C1QTNF2: variants seen among roughly 807,000 people sequenced by gnomAD.
C1QTNF2 encodes the protein complement C1q tumor necrosis factor-related protein 2.
A neutral mutation model predicts 17.4 loss-of-function variants in C1QTNF2; 15 were observed. The ratio of observed to expected loss-of-function variants is 0.86; its 90% CI spans 0.58 to 1.33. The LOEUF (loss-of-function observed/expected upper bound fraction) is 1.33, where lower values mean the gene tolerates loss of function less well. Ranked by LOEUF, C1QTNF2 falls within the 40% of genes most tolerant of loss-of-function variation. The pLI is 0.00. For synonymous variants in C1QTNF2, 154 were observed against 163.3 expected, an observed-to-expected ratio of 0.94 and a Z score of 0.44; for missense variants, 381 against 392.3, an observed-to-expected ratio of 0.97 and a Z score of 0.24.
At chr5:160,354,597 AG>A (rs1419687379) in intron 2 of C1QTNF2, among the ~76,000 whole-genome samples, 170 bp downstream of exon 2, 3,383 of 87,406 alleles carry the variant, frequency 0.039, 131 homozygotes, top group African/African-American at 0.077. Context: ...AAAAAAAAAA[AG>A]TATATATATA....
At chr5:160,355,045 C>A (rs769072072) in intron 1 of C1QTNF2, 25 bp from the exon 2 acceptor site, 9 of 1,510,250 alleles carry the variant, frequency 6.0e-6, no homozygotes, top group East Asian at 2.3e-5. Flanking sequence ...AGAGCTGTGA[C>A]AGGTGAGTGT....
chr5:160,369,446 G>A (rs1225094318), intron 1 of C1QTNF2, among the ~76,000 whole-genome samples: 9 of 152,182 alleles, frequency 5.9e-5, no homozygotes, highest in Non-Finnish European at 1.3e-4. Flanking sequence ...GCAGTTGAAA[G>A]CAGGAGTAAT....
rs1223972265 is a variant in C1QTNF2 at position 160,348,339 on chromosome 5, C to T, written c.*829G>A. 2.0e-5 allele frequency: 3 copies of T among 152,234 alleles called. No homozygotes were observed. The highest frequency in any genetic ancestry group is 4.4e-5 in the Non-Finnish European group (3 of 68,068). The allele number at this position is 152,234 out of a possible 1,614,324, so 9.4% of individuals were successfully genotyped here. A position where few individuals can be genotyped will look rare whatever the true frequency, so the allele number is the denominator to read the frequency against. ...CAGTGTCACTTTGTATTCTGATAAG[C>T]CTTCGTGAATGGAACGAGCTCTGCC... On this transcript the variant is annotated 3_prime_UTR_variant, in exon 3 of 3. Coordinates refer to ENST00000652664, the MANE Select transcript of C1QTNF2 (RefSeq NM_031908.6).
rs1210096049 is a variant in C1QTNF2, at chr5:160,357,693, G to A, written c.-9-2673C>T. On this transcript the variant is annotated intron_variant, in intron 1 of 2. Coordinates refer to ENST00000652664, the MANE Select transcript of C1QTNF2 (RefSeq NM_031908.6). ...TAGGGAGAGAAGGAGGGAGTAAGTG[G>A]AAGCGAGTCTTCGAGGCAGATGAGA... Among the ~76,000 whole-genome samples the A allele has an allele frequency of 2.0e-5, 3 of 152,210 alleles. No individual in the cohort carries two copies. In the East Asian group the frequency reaches 5.8e-4, roughly 29 times the overall value.
intron 1 of C1QTNF2, among the ~76,000 whole-genome samples, chr5:160,362,743 G>A (rs541985396): frequency 1.3e-5 from 2 of 152,248 alleles, no homozygotes; most frequent in African/African-American, 4.8e-5. Flanking sequence ...TGCAATGACT[G>A]GGCTTGGATT....
chr5:160,355,368 T>C (rs1340609415), intron 1 of C1QTNF2: 1 of 407,546 alleles, frequency 2.5e-6, no homozygotes, highest in Non-Finnish European at 3.3e-6. Flanking sequence ...AAATGATCCA[T>C]GGTTTCATCC....
intron 2 of C1QTNF2, among the ~76,000 whole-genome samples, chr5:160,352,404 G>T (rs1323689442): frequency 6.6e-6 from 1 of 152,168 alleles, no homozygotes; most frequent in African/African-American, 2.4e-5. Context: ...GTGGTTGGAT[G>T]TTATCCTGAA....
intron 1 of C1QTNF2, among the ~76,000 whole-genome samples, chr5:160,356,327 A>C (rs1268967470): frequency 6.6e-6 from 1 of 152,190 alleles, no homozygotes; most frequent in Non-Finnish European, 1.5e-5. Context: ...TCCTCACCTG[A>C]ACAACAGGGG....
chr5:160,351,228 A>G (rs1362358388), intron 2 of C1QTNF2, among the ~76,000 whole-genome samples: 3 of 152,164 alleles, frequency 2.0e-5, no homozygotes, highest in East Asian at 1.9e-4. Flanking sequence ...ATTTCTCTCA[A>G]TCCAACATTT....
At chr5:160,370,366 C>G in intron 1 of C1QTNF2, 146 bp downstream of exon 1, 1 of 1,011,820 alleles carries the variant, frequency 9.9e-7, no homozygotes, top group Non-Finnish European at 1.3e-6. Context: ...GGCAGGAATG[C>G]AGGAGCTGCC....
intron 2 of C1QTNF2, among the ~76,000 whole-genome samples, 171 bp downstream of exon 2, chr5:160,354,597 A>AAAAAAAAAAATATATATAT (rs769774870): frequency 1.1e-5 from 1 of 89,306 alleles, no homozygotes; most frequent in African/African-American, 4.8e-5. Context: ...AAAAAAAAAA[A>AAAAAAAAAAATATATATAT]GTATATATAT....
intron 1 of C1QTNF2, among the ~76,000 whole-genome samples, chr5:160,367,798 C>A (rs1354847866): frequency 2.0e-5 from 3 of 152,198 alleles, no homozygotes; most frequent in Non-Finnish European, 4.4e-5. Context: ...CATCCCATTC[C>A]TATATACATT....
intron 1 of C1QTNF2, 100 bp downstream of exon 1, chr5:160,370,412 C>G: frequency 7.4e-7 from 1 of 1,344,578 alleles, no homozygotes; most frequent in Non-Finnish European, 9.5e-7. Context: ...AGCTCTCCCA[C>G]CTTCCGCATC....
intron 2 of C1QTNF2, among the ~76,000 whole-genome samples, chr5:160,354,057 G>A (rs1406151787): frequency 2.0e-5 from 3 of 151,844 alleles, no homozygotes; most frequent in South Asian, 2.1e-4. Context: ...TGTCCACCTC[G>A]GCCTCCCAAG....
chr5:160,365,567 C>G (rs74527921), intron 1 of C1QTNF2, among the ~76,000 whole-genome samples: 2,082 of 152,130 alleles, frequency 0.014, 53 homozygotes, highest in African/African-American at 0.048. Flanking sequence ...GACCTCCCCC[C>G]ACCTCACCCC....
At position 160,349,492 on chromosome 5, in the gene C1QTNF2, G is replaced by C. The variant is rs1763869429; in HGVS notation, c.534C>G (p.Gly178=). 1.2e-6 allele frequency: 2 copies of C among 1,614,018 alleles called. No individual in the cohort carries two copies. The highest frequency in any genetic ancestry group is 1.7e-6 in the Non-Finnish European group (2 of 1,180,018). The change falls in exon 3 of 3, where the codon GGC becomes GGG. Residue 178 remains glycine (G), a synonymous_variant. Coordinates refer to ENST00000652664, the MANE Select transcript of C1QTNF2 (RefSeq NM_031908.6). This position sits in a 1 kb window ranked among gnomAD's most constrained non-coding sequence, Gnocchi z 4.3. ...ACTTGCCGCTGGAAGCATTGTAGTG[G>C]CCACCCTCGTTCATCAGAATCTTGT... The part of the protein sequence containing the change: ...KFDKILMNEG[G]HYNASSGKFV...
chr5:160,365,583 C>T (rs952974899), intron 1 of C1QTNF2, among the ~76,000 whole-genome samples: 12 of 152,036 alleles, frequency 7.9e-5, no homozygotes, highest in African/African-American at 1.2e-4. Context: ...ACCCCGCCAT[C>T]TCTACAAAGA....
chr5:160,349,238 G>A lies in C1QTNF2; in HGVS notation c.788C>T (p.Pro263Leu). The A allele has an allele frequency of 6.2e-7, 1 of 1,614,152 alleles. No homozygotes were observed. The highest frequency in any genetic ancestry group is 1.1e-5 in the South Asian group (1 of 91,080). Residue 263 changes from proline (P) to leucine (L), a missense_variant, in exon 3 of 3, where the codon CCT (proline) becomes CTT (leucine). Coordinates refer to ENST00000652664, the MANE Select transcript of C1QTNF2 (RefSeq NM_031908.6). The surrounding 1 kb of genome is among the most constrained non-coding windows in gnomAD (Gnocchi z 4.3). ...CGTAAAGAGGCTGTCTGTCCAGTAA[G>A]GGTCATAGAAGAGCCCGTTCTGCTC... ...YSEQNGLFYD[P>L]YWTDSLFTGF...
intron 1 of C1QTNF2, among the ~76,000 whole-genome samples, chr5:160,364,623 T>C (rs1488520681): frequency 6.6e-6 from 1 of 152,232 alleles, no homozygotes; most frequent in Admixed American, 6.5e-5. Context: ...GAGTCCTGCA[T>C]GCATTTCAGG....
Sources: gnomAD v4.1 joint callset for allele counts (sites outside exome capture counted in the v4.1 genomes callset) on GRCh38, gnomAD v4.1.1 for gene constraint, Gnocchi (gnomAD v3.1) non-coding constraint, MANE v1.5 for transcripts, NCBI Gene and HGNC (gene_info 2026-07-23, HGNC 2026-07-21) for gene names.